Variants in SUSD1 observed in about 807,000 individuals in gnomAD.
The protein encoded by SUSD1 is sushi domain-containing protein 1.
A neutral mutation model predicts 86.9 loss-of-function variants in SUSD1; 65 were observed. The ratio of observed to expected loss-of-function variants is 0.75; its 90% CI spans 0.61 to 0.92. The LOEUF (loss-of-function observed/expected upper bound fraction) is 0.92. Ranked by LOEUF, SUSD1 falls within the 40% of genes least tolerant of loss-of-function variation. SUSD1 has a pLI of 0.00. For missense variants in SUSD1, 850 were observed against 929.7 expected (o/e 0.91, Z 1.11); for synonymous variants, 346 against 350.0 (o/e 0.99, Z 0.13).
intron 14 of SUSD1, among the ~76,000 whole-genome samples, chr9:112,057,690 AAT>A (rs369751525): frequency 4.4e-4 from 67 of 152,324 alleles, no homozygotes; most frequent in African/African-American, 1.5e-3. Context: ...CTCAGTTTTA[AAT>A]ATGTGATAAA....
At chr9:112,124,019 G>A (rs980920660) in intron 6 of SUSD1, among the ~76,000 whole-genome samples, 10 of 152,000 alleles carry the variant, frequency 6.6e-5, no homozygotes, top group African/African-American at 2.2e-4. Context: ...GAATCACAGC[G>A]ATTTAAGGTG....
intron 1 of SUSD1, among the ~76,000 whole-genome samples, chr9:112,172,773 T>C (rs1834099852): frequency 6.6e-6 from 1 of 152,200 alleles, no homozygotes; most frequent in South Asian, 2.1e-4. Context: ...TCTGCTGTCA[T>C]TACTGTGGGC....
chr9:112,052,454 T>C lies in SUSD1; in HGVS notation c.2110-16A>G, dbSNP rs200931101. On this transcript the variant is annotated splice_polypyrimidine_tract_variant and intron_variant, in intron 14 of 16. Coordinates refer to ENST00000374270, the MANE Select transcript of SUSD1 (RefSeq NM_022486.5). Reference sequence around the variant, plus strand: ...GTCTTCTCACCTATAAAGGAAAACATAGCAATGCATTTAGCTAGGTGGCAC... The same window carrying C: ...GTCTTCTCACCTATAAAGGAAAACACAGCAATGCATTTAGCTAGGTGGCAC... The C allele has an allele frequency of 5.0e-5, 81 of 1,614,022 alleles. No homozygotes were observed. The highest frequency in any genetic ancestry group is 3.3e-4 in the East Asian group (15 of 44,870).
intron 13 of SUSD1, among the ~76,000 whole-genome samples, chr9:112,061,513 T>C (rs556258328): frequency 2.6e-5 from 4 of 152,350 alleles, no homozygotes; most frequent in African/African-American, 9.6e-5. Context: ...GGGTAAGCTG[T>C]CATTTGGCTT....
At chr9:112,123,612 C>A (rs570358446) in intron 6 of SUSD1, among the ~76,000 whole-genome samples, 7 of 152,044 alleles carry the variant, frequency 4.6e-5, no homozygotes, top group African/African-American at 1.7e-4. Flanking sequence ...CCAGCCTGGG[C>A]AACATGGTGA....
At chr9:112,135,926 G>A (rs1832244550) in intron 5 of SUSD1, among the ~76,000 whole-genome samples, 1 of 152,198 alleles carries the variant, frequency 6.6e-6, no homozygotes, top group Non-Finnish European at 1.5e-5. Flanking sequence ...TTCAGAAGTG[G>A]TTGCACAACT....
intron 3 of SUSD1, among the ~76,000 whole-genome samples, chr9:112,144,415 A>C (rs975538383): frequency 1.3e-5 from 2 of 152,150 alleles, no homozygotes; most frequent in African/African-American, 4.8e-5. Context: ...TCCAATCACT[A>C]TAAATATACC....
rs977738544 is a variant in SUSD1 at position 112,142,320 on chromosome 9, C to G, written c.706G>C (p.Glu236Gln). 6.4e-7 allele frequency: 1 copy of G among 1,564,638 alleles called. No homozygotes were observed. The highest frequency in any genetic ancestry group is 1.4e-5 in the African/African-American group (1 of 72,840). The change falls in exon 5 of 17, where the codon GAG becomes CAG. Residue 236 changes from glutamate to glutamine, a missense_variant and splice_region_variant. Glu to Gln is a conservative substitution (Grantham distance 29). Coordinates refer to ENST00000374270, the MANE Select transcript of SUSD1 (RefSeq NM_022486.5). Reference sequence around the variant, plus strand: ...GAACCTGTATTTTTTGAAAACTCACCTTGGCAATGTAATTTTGGGGACTCC... The same window carrying G: ...GAACCTGTATTTTTTGAAAACTCACGTTGGCAATGTAATTTTGGGGACTCC... Reference protein sequence around the residue: ...TWESPKLHCQEINCGNPPEMR... With the variant: ...TWESPKLHCQQINCGNPPEMR...
chr9:112,091,386 T>A (rs1411834765), intron 10 of SUSD1, among the ~76,000 whole-genome samples: 2 of 152,230 alleles, frequency 1.3e-5, no homozygotes, highest in Non-Finnish European at 2.9e-5. Flanking sequence ...AAATTATGCA[T>A]GCTGTTCAAA....
chr9:112,062,806 G>A, intron 13 of SUSD1, 131 bp downstream of exon 13: 2 of 550,646 alleles, frequency 3.6e-6, no homozygotes, highest in Non-Finnish European at 3.2e-6. Context: ...AACAAAAGAG[G>A]CCCCAACTGC....
At chr9:112,062,891 T>C (rs1257070585) in intron 13 of SUSD1, 46 bp downstream of exon 13, 7 of 1,317,172 alleles carry the variant, frequency 5.3e-6, no homozygotes, top group Non-Finnish European at 7.6e-6. Context: ...TCCAAAACAC[T>C]CCATGGGGAT....
At chr9:112,059,548 A>G (rs2118968255) in intron 13 of SUSD1, among the ~76,000 whole-genome samples, 1 of 152,350 alleles carries the variant, frequency 6.6e-6, no homozygotes, top group Non-Finnish European at 1.5e-5. Context: ...GAAATAAATG[A>G]GACGCCAAGA....
chr9:112,162,489 C>T (rs1337669816), intron 1 of SUSD1, among the ~76,000 whole-genome samples: 1 of 152,168 alleles, frequency 6.6e-6, no homozygotes. Context: ...GCTACTTCCC[C>T]AGTGAACAGA....
At position 112,138,257 on chromosome 9, in the gene SUSD1, G is replaced by GAAGTCCAGTA. The variant is rs1211662008; in HGVS notation, c.706+4062_706+4063insTACTGGACTT. Among the ~76,000 whole-genome samples, 22 of 25,636 alleles carry GAAGTCCAGTA rather than the reference G, an allele frequency of 8.6e-4. 4 individuals are homozygous for GAAGTCCAGTA. The East Asian group carries it at 0.017, about 20-fold the overall frequency. 16.8% of individuals were successfully genotyped at this position (25,636 alleles called of 152,430 possible). A position where few individuals can be genotyped will look rare whatever the true frequency, so the allele number is the denominator to read the frequency against. On this transcript the variant is annotated intron_variant, in intron 5 of 16. Transcript: ENST00000374270. ...AATGTGTATATATATATATATATAT[G>GAAGTCCAGTA]TGTATATACATATATATATATATGA... is the stretch of plus-strand genomic sequence containing the variant.
At chr9:112,122,145 C>T (rs2131680762) in intron 6 of SUSD1, among the ~76,000 whole-genome samples, 1 of 152,214 alleles carries the variant, frequency 6.6e-6, no homozygotes, top group Admixed American at 6.5e-5. Flanking sequence ...TATGGCATTG[C>T]TAGAATATGA....
At chr9:112,117,475 G>A (rs9408838) in intron 6 of SUSD1, among the ~76,000 whole-genome samples, 70,641 of 151,862 alleles carry the variant, frequency 0.47, 17,257 homozygotes, top group East Asian at 0.7. Context: ...GAAAGTCTCA[G>A]TGAGTGATAA....
At chr9:112,150,101 T>C (rs1386503494) in intron 2 of SUSD1, among the ~76,000 whole-genome samples, 1 of 152,176 alleles carries the variant, frequency 6.6e-6, no homozygotes, top group East Asian at 1.9e-4. Context: ...GTCAGCAAAC[T>C]TTTTCTCACA....
At chr9:112,126,528 C>T (rs1831781558) in intron 5 of SUSD1, among the ~76,000 whole-genome samples, 1 of 152,170 alleles carries the variant, frequency 6.6e-6, no homozygotes, top group African/African-American at 2.4e-5. Context: ...CTCAAAGGCT[C>T]AGGTGGATGC....
At chr9:112,051,800 T>C (rs1828225909) in intron 15 of SUSD1, among the ~76,000 whole-genome samples, 1 of 152,208 alleles carries the variant, frequency 6.6e-6, no homozygotes, top group South Asian at 2.1e-4. Context: ...TCGGCATCTT[T>C]TCCTGTGCCC....
Sources: allele counts gnomAD v4.1 joint callset (sites outside exome capture counted in the v4.1 genomes callset), GRCh38; gene constraint gnomAD v4.1.1; transcripts MANE v1.5; gene names NCBI Gene and HGNC (gene_info 2026-07-23, HGNC 2026-07-21).